NXN: variants seen among roughly 807,000 people sequenced by gnomAD.
NXN encodes the protein nucleoredoxin.
A neutral mutation model predicts 48.6 loss-of-function variants in NXN; 16 were observed. The observed-to-expected ratio is 0.33, with a 90% CI of 0.22 to 0.50. The LOEUF is 0.50. NXN is among the 20% of genes least tolerant of loss of function. The pLI is 0.98. For missense variants in NXN, 492 were observed against 605.5 expected (o/e 0.81, Z 1.97); for synonymous variants, 281 against 269.6 (o/e 1.04, Z -0.41).
chr17:935,272 G>A (rs1272096698), intron 1 of NXN, among the ~76,000 whole-genome samples: 1 of 83,368 alleles, frequency 1.2e-5, no homozygotes, highest in African/African-American at 4.6e-5. Context: ...GGAATTACAG[G>A]TGTGAGCCAC....
Position 825,979 on chromosome 17 carries a change from T to C in NXN, c.460A>G (p.Ile154Val). The change falls in exon 2 of 8, where the codon ATC becomes GTC. Residue 154 changes from isoleucine to valine, a missense_variant. By Grantham distance (29) the Ile-to-Val change is conservative. This residue lies in a region of NXN where 303 missense variants were observed against 388.3 expected (regional missense o/e 0.78). Transcript: ENST00000336868. The surrounding 1 kb of genome is among the most constrained non-coding windows in gnomAD (Gnocchi z 4.1). ...KVVCRNGLLV[I>V]RDDPEGLEFP... ...GTTTTACCTTCTGGGTCATCTCGGA[T>C]CACCAGCAGCCCGTTCCTGCACACA... 3 of 1,612,140 alleles carry C rather than the reference T, an allele frequency of 1.9e-6. No individual in the cohort carries two copies. The highest frequency in any genetic ancestry group is 8.5e-7 in the Non-Finnish European group (1 of 1,178,710).
intron 1 of NXN, among the ~76,000 whole-genome samples, chr17:835,134 CT>C (rs1326689655): frequency 2.0e-5 from 3 of 151,362 alleles, no homozygotes; most frequent in Admixed American, 6.6e-5. Flanking sequence ...TGGTGAAACC[CT>C]GTCTCTACTA....
chr17:854,572 A>C (rs1483929144), intron 1 of NXN, among the ~76,000 whole-genome samples: 1 of 149,558 alleles, frequency 6.7e-6, no homozygotes, highest in African/African-American at 2.5e-5. Context: ...GGAGAATGGC[A>C]TGAACCCGAG....
At chr17:862,837 C>A (rs1015357475) in intron 1 of NXN, among the ~76,000 whole-genome samples, 1 of 152,168 alleles carries the variant, frequency 6.6e-6, no homozygotes, top group South Asian at 2.1e-4. Flanking sequence ...ACGAGGGAAC[C>A]ATTTGACAAA....
At chr17:906,190 C>T (rs1218408045) in intron 1 of NXN, among the ~76,000 whole-genome samples, 2 of 152,150 alleles carry the variant, frequency 1.3e-5, no homozygotes, top group Non-Finnish European at 2.9e-5. Flanking sequence ...GCCTCATTCT[C>T]AGGTACCTGC....
At chr17:866,824 G>A (rs1020006831) in intron 1 of NXN, among the ~76,000 whole-genome samples, 2 of 152,222 alleles carry the variant, frequency 1.3e-5, no homozygotes, top group African/African-American at 4.8e-5. Context: ...CATATTCTTA[G>A]TGAAACAAAT....
At chr17:963,274 A>G (rs541740277) in intron 1 of NXN, among the ~76,000 whole-genome samples, 281 of 151,116 alleles carry the variant, frequency 1.9e-3, no homozygotes, top group African/African-American at 6.6e-3. Context: ...TTTTTTTAAC[A>G]TACTGCCCTT....
chr17:841,546 CCGGCGAGCAGGTCCCCCCTGACCACGGA>C (rs1914267593), intron 1 of NXN, among the ~76,000 whole-genome samples: 5 of 118,576 alleles, frequency 4.2e-5, no homozygotes, highest in South Asian at 2.8e-4. Flanking sequence ...GCATCTCACG[CCGGCGAGCAGGTCCCCCCTGACCACGGA>C]GCATCTCACG....
At chr17:881,452 C>T (rs2068282997) in intron 1 of NXN, among the ~76,000 whole-genome samples, 1 of 152,152 alleles carries the variant, frequency 6.6e-6, no homozygotes, top group Non-Finnish European at 1.5e-5. Flanking sequence ...GTCTCAAACT[C>T]CCGGGCTCAA....
intron 1 of NXN, among the ~76,000 whole-genome samples, chr17:967,988 T>G (rs1055484782): frequency 6.6e-6 from 1 of 151,652 alleles, no homozygotes; most frequent in Non-Finnish European, 1.5e-5. Context: ...AAAAAAAAAT[T>G]AGGAGACAAT....
At chr17:829,659 C>A (rs1337631815) in intron 1 of NXN, among the ~76,000 whole-genome samples, 1 of 152,006 alleles carries the variant, frequency 6.6e-6, no homozygotes, top group African/African-American at 2.4e-5. Flanking sequence ...GTGTGATGTT[C>A]CCCTCCCTGT....
intron 1 of NXN, among the ~76,000 whole-genome samples, chr17:856,775 C>T (rs150928165): frequency 1.3e-5 from 2 of 152,254 alleles, no homozygotes; most frequent in South Asian, 2.1e-4. Context: ...CCGCCGGCCA[C>T]GCCCAGCCTA....
intron 1 of NXN, among the ~76,000 whole-genome samples, chr17:856,070 A>G (rs2067982944): frequency 6.6e-6 from 1 of 152,126 alleles, no homozygotes; most frequent in South Asian, 2.1e-4. Flanking sequence ...GCACACGCCT[A>G]TAATCCCAGC....
At chr17:951,275 G>A (rs1052754779) in intron 1 of NXN, among the ~76,000 whole-genome samples, 3 of 149,494 alleles carry the variant, frequency 2.0e-5, no homozygotes, top group Non-Finnish European at 3.0e-5. Flanking sequence ...GCTTGAACCC[G>A]GGAGACAGAG....
intron 5 of NXN, among the ~76,000 whole-genome samples, chr17:805,988 C>A (rs911157313): frequency 6.6e-6 from 1 of 152,132 alleles, no homozygotes; most frequent in Non-Finnish European, 1.5e-5. Context: ...ACACGGCGGA[C>A]TTGCTGTGGC....
chr17:805,528 T>C (rs558097383), intron 5 of NXN, among the ~76,000 whole-genome samples: 2 of 152,310 alleles, frequency 1.3e-5, no homozygotes, highest in East Asian at 3.9e-4. Context: ...ATGAGTGTGT[T>C]GTCGTTCCTA....
intron 5 of NXN, among the ~76,000 whole-genome samples, chr17:809,456 C>T (rs1252529653): frequency 1.3e-5 from 2 of 152,138 alleles, no homozygotes; most frequent in East Asian, 1.9e-4. Flanking sequence ...CCACTGCCAA[C>T]GAGACACGGA....
At position 956,926 on chromosome 17, in the gene NXN, G is replaced by A. The variant is rs1314849294; in HGVS notation, c.360+22393C>T. On this transcript the variant is annotated intron_variant, in intron 1 of 7. Transcript: ENST00000336868. This position sits in a 1 kb window ranked among gnomAD's most constrained non-coding sequence, Gnocchi z 4.1. ...CTCAGAGCTCCTGCGGGCAACTCCA[G>A]CCCTTTTAGAACCAATACCATGGTC... Among the ~76,000 whole-genome samples the A allele has an allele frequency of 6.6e-6, 1 of 152,126 alleles. No homozygotes were observed. Among genetic ancestry groups the A allele is most frequent in the Non-Finnish European group, 1.5e-5 (1 of 68,032 alleles).
chr17:875,054 C>CA (rs1369870175), intron 1 of NXN, among the ~76,000 whole-genome samples: 3 of 150,734 alleles, frequency 2.0e-5, no homozygotes, highest in Non-Finnish European at 4.4e-5. Context: ...TTTTCTGAGA[C>CA]AGAGTCTTAC....
Sources: allele counts gnomAD v4.1 joint callset (sites outside exome capture counted in the v4.1 genomes callset), GRCh38; gene constraint gnomAD v4.1.1; regional missense constraint gnomAD v4.1.1; non-coding constraint Gnocchi (gnomAD v3.1); transcripts MANE v1.5; gene names NCBI Gene and HGNC (gene_info 2026-07-23, HGNC 2026-07-21).